Variants in RBFOX1 observed in about 807,000 individuals in gnomAD.
RBFOX1 encodes RNA binding fox-1 homolog 1.
RBFOX1 carries 8 observed loss-of-function variants against 57.7 expected under a neutral mutation model. That is an observed-to-expected ratio of 0.14 (90% CI 0.08 to 0.25). The LOEUF (loss-of-function observed/expected upper bound fraction) is 0.25, where lower values mean the gene tolerates loss of function less well. Ranked by LOEUF, RBFOX1 falls within the 10% of genes least tolerant of loss-of-function variation. The pLI is 1.00. For missense variants in RBFOX1, 611 were observed against 548.5 expected (o/e 1.11, Z -1.14); for synonymous variants, 326 against 222.4 (o/e 1.47, Z -4.15).
At chr16:6,915,166 G>A (rs1023028085) in intron 3 of RBFOX1, among the ~76,000 whole-genome samples, 2 of 152,096 alleles carry the variant, frequency 1.3e-5, no homozygotes, top group East Asian at 1.9e-4. Flanking sequence ...CAAGGCACTG[G>A]GGCTGAGCTG....
intron 1 of RBFOX1, among the ~76,000 whole-genome samples, chr16:5,324,813 G>T (rs1454139718): frequency 6.6e-6 from 1 of 152,142 alleles, no homozygotes; most frequent in East Asian, 1.9e-4. Flanking sequence ...GAAGGGTGGA[G>T]GGTGGATAAT....
chr16:5,909,379 A>G (rs994688216), intron 4 of RBFOX1, among the ~76,000 whole-genome samples: 3 of 152,184 alleles, frequency 2.0e-5, no homozygotes, highest in Admixed American at 2.0e-4. Flanking sequence ...GGCGTGAGCC[A>G]CTGTGCCCGG....
chr16:6,831,642 T>G (rs1248527431), intron 3 of RBFOX1, among the ~76,000 whole-genome samples: 1 of 152,222 alleles, frequency 6.6e-6, no homozygotes, highest in East Asian at 1.9e-4. Flanking sequence ...GGAAGGGTTT[T>G]AAGCATTTTT....
intron 1 of RBFOX1, among the ~76,000 whole-genome samples, chr16:6,248,386 C>T (rs1385939055): frequency 6.6e-6 from 1 of 152,134 alleles, no homozygotes; most frequent in Non-Finnish European, 1.5e-5. Context: ...GATGTATATA[C>T]TCTTTGGACA....
At chr16:5,805,603 T>C (rs889299599) in intron 3 of RBFOX1, among the ~76,000 whole-genome samples, 9 of 152,258 alleles carry the variant, frequency 5.9e-5, no homozygotes, top group African/African-American at 2.2e-4. Context: ...AGGAAACAGA[T>C]AAGATGCAGC....
chr16:6,638,461 C>A (rs943108236), intron 2 of RBFOX1, among the ~76,000 whole-genome samples: 2 of 152,018 alleles, frequency 1.3e-5, no homozygotes, highest in Non-Finnish European at 2.9e-5. Context: ...TCAAGGGCCA[C>A]GCATTGAGAC....
intron 4 of RBFOX1, among the ~76,000 whole-genome samples, chr16:7,211,179 C>G (rs952281927): frequency 6.6e-6 from 1 of 151,164 alleles, no homozygotes; most frequent in African/African-American, 2.4e-5. Flanking sequence ...ATCATGAGGT[C>G]AGGAGATCAA....
intron 4 of RBFOX1, among the ~76,000 whole-genome samples, chr16:7,319,008 G>C (rs2096495114): frequency 6.6e-6 from 1 of 152,194 alleles, no homozygotes; most frequent in Non-Finnish European, 1.5e-5. Flanking sequence ...CACACTAAAA[G>C]TTGGGCATCA....
intron 3 of RBFOX1, among the ~76,000 whole-genome samples, chr16:5,767,553 C>G (rs897928681): frequency 2.0e-5 from 3 of 152,176 alleles, no homozygotes; most frequent in Non-Finnish European, 4.4e-5. Flanking sequence ...CCTACGAACC[C>G]TGCGTGAGTT....
chr16:5,784,379 A>T (rs955206158), intron 3 of RBFOX1, among the ~76,000 whole-genome samples: 5 of 152,098 alleles, frequency 3.3e-5, no homozygotes, highest in African/African-American at 1.2e-4. Flanking sequence ...GTGAGCCGAG[A>T]TCGCACCACT....
intron 2 of RBFOX1, among the ~76,000 whole-genome samples, chr16:5,586,473 A>C (rs1485481417): frequency 6.6e-6 from 1 of 152,282 alleles, no homozygotes; most frequent in East Asian, 1.9e-4. Context: ...TTTACTAACT[A>C]TTGCTATTAT....
chr16:6,123,904 A>G lies in RBFOX1; in HGVS notation c.-127+103912A>G, dbSNP rs190476094. On this transcript the variant is annotated intron_variant, in intron 1 of 15. Coordinates refer to ENST00000550418, the MANE Select transcript of RBFOX1 (RefSeq NM_018723.4). Reference sequence around the variant, plus strand: ...AGAGCGAGACTCCCTCAAAAAAAGAATAGCTAAAAGGTAAATTTTATGTTA... The same window carrying G: ...AGAGCGAGACTCCCTCAAAAAAAGAGTAGCTAAAAGGTAAATTTTATGTTA... Among the ~76,000 whole-genome samples the G allele has an allele frequency of 2.0e-5, 3 of 152,364 alleles. No individual in the cohort carries two copies. The East Asian group carries it at 5.8e-4, about 29-fold the overall frequency.
rs1567992871 is a variant in RBFOX1, at chr16:6,350,477, A to C, written c.-64+33420A>C. 8.1e-3 allele frequency among the ~76,000 whole-genome samples: 602 copies of C among 73,902 alleles called. 15 individuals are homozygous for C. Among genetic ancestry groups the C allele is most frequent in the Non-Finnish European group, 0.012 (404 of 34,048 alleles). The allele number at this position is 73,902 out of a possible 152,430, so 48.5% of individuals were successfully genotyped here. ...AAAAAAAAAAAAAAAAAAAAAAAAA[A>C]AAAAAAAAAAAAAAAAAAAAAACAG... On this transcript the variant is annotated intron_variant, in intron 2 of 15. Coordinates refer to ENST00000550418, the MANE Select transcript of RBFOX1 (RefSeq NM_018723.4).
chr16:7,089,728 C>T (rs1306397349), intron 4 of RBFOX1, among the ~76,000 whole-genome samples: 1 of 152,146 alleles, frequency 6.6e-6, no homozygotes, highest in Admixed American at 6.5e-5. Context: ...GATTTGTTTC[C>T]TAGTAATTAA....
rs569999077 is a variant in RBFOX1 at position 7,186,960 on chromosome 16, C to G, written c.27+134862C>G. On this transcript the variant is annotated intron_variant, in intron 4 of 15. Coordinates refer to ENST00000550418, the MANE Select transcript of RBFOX1 (RefSeq NM_018723.4). ...ATTGCTTGAGACTGGGAGTTTGAGA[C>G]CAGCCTGGGCAACATGAGGAAACCC... 1.5e-3 allele frequency among the ~76,000 whole-genome samples: 205 copies of G among 139,296 alleles called. 1 individual carries two copies. The highest frequency in any genetic ancestry group is 4.1e-3 in the Middle Eastern group (1 of 242). The allele number at this position is 139,296 out of a possible 152,430, so 91.4% of individuals were successfully genotyped here.
intron 3 of RBFOX1, among the ~76,000 whole-genome samples, chr16:6,669,396 G>A (rs1243900310): frequency 6.6e-6 from 1 of 152,158 alleles, no homozygotes; most frequent in African/African-American, 2.4e-5. Flanking sequence ...CATAAAAACT[G>A]TGTGATCTTT....
intron 1 of RBFOX1, among the ~76,000 whole-genome samples, chr16:5,278,195 A>C (rs187598989): frequency 1.6e-4 from 24 of 152,304 alleles, no homozygotes; most frequent in African/African-American, 5.5e-4. Flanking sequence ...AATAATAGCC[A>C]TTCTAACAAG....
chr16:6,222,981 G>A (rs1483967102), intron 1 of RBFOX1, among the ~76,000 whole-genome samples: 1 of 150,850 alleles, frequency 6.6e-6, no homozygotes, highest in African/African-American at 2.4e-5. Flanking sequence ...ATAGTTTACT[G>A]AGAATGATGA....
At chr16:6,230,839 C>G (rs1428392496) in intron 1 of RBFOX1, among the ~76,000 whole-genome samples, 1 of 152,134 alleles carries the variant, frequency 6.6e-6, no homozygotes, top group Admixed American at 6.5e-5. Context: ...GCTAAAGAAA[C>G]ATATACATAA....
Sources: allele counts gnomAD v4.1 joint callset (sites outside exome capture counted in the v4.1 genomes callset), GRCh38; gene constraint gnomAD v4.1.1; transcripts MANE v1.5; gene names NCBI Gene and HGNC (gene_info 2026-07-23, HGNC 2026-07-21).